Variants in AAK1 observed in about 807,000 individuals in gnomAD.
AAK1 encodes the protein AP2 associated kinase 1.
Under a neutral mutation model 116.0 loss-of-function variants are expected in AAK1, and 37 were observed. That is an observed-to-expected ratio of 0.32 (90% CI 0.25 to 0.42). The LOEUF is 0.42. AAK1 is among the 10% of genes least tolerant of loss of function. The pLI, the probability that AAK1 is intolerant of heterozygous loss-of-function variation, is 1.00. For missense variants in AAK1, 919 were observed against 1,170.6 expected (o/e 0.79, Z 3.14); for synonymous variants, 458 against 439.9 (o/e 1.04, Z -0.51).
chr2:69,610,511 C>T (rs1391533271), intron 2 of AAK1, among the ~76,000 whole-genome samples: 1 of 152,064 alleles, frequency 6.6e-6, no homozygotes, highest in African/African-American at 2.4e-5. Context: ...GGAACCATAG[C>T]AAAAATTAAA....
At position 69,534,628 on chromosome 2, in the gene AAK1, T is replaced by A. The variant is rs181830174; in HGVS notation, c.535-2466A>T. Among the ~76,000 whole-genome samples the A allele has an allele frequency of 6.2e-3, 937 of 152,316 alleles. 9 individuals carry two copies. The highest frequency in any genetic ancestry group is 0.021 in the African/African-American group (887 of 41,568). On this transcript the variant is annotated intron_variant, in intron 5 of 21. Transcript: ENST00000409085. ...AGTTGTAACTCCTCAGAAAAACCTTTCACAACCAGTTCACAAAATCTACAG... is the reference window on the plus strand; with the variant it reads ...AGTTGTAACTCCTCAGAAAAACCTTACACAACCAGTTCACAAAATCTACAG...
chr2:69,557,000 G>A, intron 2 of AAK1, 22 bp from the exon 3 acceptor site: 2 of 1,569,460 alleles, frequency 1.3e-6, no homozygotes, highest in Non-Finnish European at 1.8e-6. Context: ...ACACACACAA[G>A]CTCTTTTGAG....
At position 69,469,657 on chromosome 2, in the gene AAK1, G is replaced by A; in HGVS notation, c.*6212C>T. 1.0e-6 allele frequency: 1 copy of A among 985,460 alleles called. No individual in the cohort carries two copies. Among genetic ancestry groups the A allele is most frequent in the South Asian group, 4.7e-5 (1 of 21,286 alleles). 61.0% of individuals were successfully genotyped at this position (985,460 alleles called of 1,614,324 possible). The stretch of plus-strand genomic sequence containing the variant: ...CTCAGGGGCTAAAGCCCAGGGCCTG[G>A]CTTCATAGTCTGCACAGGGTCTTAC... On this transcript the variant is annotated 3_prime_UTR_variant, in exon 22 of 22. Transcript: ENST00000409085.
chr2:69,485,347 C>T (rs1675252185), intron 17 of AAK1, among the ~76,000 whole-genome samples: 1 of 152,206 alleles, frequency 6.6e-6, no homozygotes, highest in Admixed American at 6.5e-5. Flanking sequence ...CATGTTGTGA[C>T]TCTGGCACAG....
intron 2 of AAK1, among the ~76,000 whole-genome samples, chr2:69,638,477 T>C (rs765859869): frequency 6.6e-6 from 1 of 152,144 alleles, no homozygotes; most frequent in African/African-American, 2.4e-5. Context: ...TTGGTACCTA[T>C]TCATCAGTCT....
intron 6 of AAK1, among the ~76,000 whole-genome samples, chr2:69,531,090 T>A (rs1378403822): frequency 1.3e-5 from 2 of 152,202 alleles, no homozygotes; most frequent in African/African-American, 4.8e-5. Context: ...AGAGATGTAA[T>A]ACTGACTGTG....
At chr2:69,632,947 G>A (rs1015310377) in intron 2 of AAK1, among the ~76,000 whole-genome samples, 3 of 151,796 alleles carry the variant, frequency 2.0e-5, no homozygotes, top group Admixed American at 2.0e-4. Context: ...GCAGGAGAAT[G>A]GTGTGAACCC....
At chr2:69,523,365 G>C (rs955556577) in intron 10 of AAK1, among the ~76,000 whole-genome samples, 1 of 152,186 alleles carries the variant, frequency 6.6e-6, no homozygotes, top group Non-Finnish European at 1.5e-5. Context: ...TGTTAAGCAA[G>C]TTTGCTACGT....
chr2:69,500,881 G>C (rs1193115138), intron 16 of AAK1, among the ~76,000 whole-genome samples: 1 of 151,788 alleles, frequency 6.6e-6, no homozygotes, highest in Non-Finnish European at 1.5e-5. Context: ...GGGGTTGGTA[G>C]GGTGAGTAGA....
At chr2:69,591,215 G>T (rs908124002) in intron 2 of AAK1, among the ~76,000 whole-genome samples, 5 of 152,150 alleles carry the variant, frequency 3.3e-5, no homozygotes, top group African/African-American at 1.2e-4. Flanking sequence ...CAACTCAAAA[G>T]GTCACAACAG....
At chr2:69,560,288 C>T (rs752646706) in intron 2 of AAK1, among the ~76,000 whole-genome samples, 3 of 152,168 alleles carry the variant, frequency 2.0e-5, no homozygotes, top group Non-Finnish European at 2.9e-5. Flanking sequence ...GTCTGTCACA[C>T]GGATCAGGGT....
At chr2:69,497,695 A>G (rs76483473) in intron 16 of AAK1, among the ~76,000 whole-genome samples, 1 of 152,002 alleles carries the variant, frequency 6.6e-6, no homozygotes, top group Non-Finnish European at 1.5e-5. Flanking sequence ...GAAAAAAAAA[A>G]GCCTCATTTT....
At chr2:69,599,875 G>A (rs1673483410) in intron 2 of AAK1, among the ~76,000 whole-genome samples, 1 of 151,964 alleles carries the variant, frequency 6.6e-6, no homozygotes, top group Non-Finnish European at 1.5e-5. Flanking sequence ...CCTCCCGGGT[G>A]CAATCAGTCC....
chr2:69,632,384 T>C (rs944941544), intron 2 of AAK1, among the ~76,000 whole-genome samples: 1 of 152,156 alleles, frequency 6.6e-6, no homozygotes, highest in Non-Finnish European at 1.5e-5. Context: ...TTCTGGCAAC[T>C]AGTGGGTAGA....
intron 14 of AAK1, 113 bp downstream of exon 14, chr2:69,509,118 C>T: frequency 1.2e-6 from 1 of 820,546 alleles, no homozygotes. Context: ...AAGTACACAC[C>T]ACTGTATTTG....
chr2:69,482,690 A>G, intron 18 of AAK1, 21 bp downstream of exon 18: 2 of 1,562,914 alleles, frequency 1.3e-6, no homozygotes, highest in Non-Finnish European at 1.8e-6. Flanking sequence ...ATGACTGAAG[A>G]AACAGAGATG....
Position 69,461,151 on chromosome 2 carries a change from T to A in AAK1, c.*14718A>T, listed in dbSNP as rs1674331829. 6.6e-6 allele frequency: 1 copy of A among 152,246 alleles called. No individual in the cohort carries two copies. Among genetic ancestry groups the A allele is most frequent in the African/African-American group, 2.4e-5 (1 of 41,456 alleles). 9.4% of individuals were successfully genotyped at this position (152,246 alleles called of 1,614,324 possible). The stretch of plus-strand genomic sequence containing the variant: ...TGTACCTTTTCTATGTCTAAAATGT[T>A]TGGATACAGAAATACTTACCATTGT... On this transcript the variant is annotated 3_prime_UTR_variant, in exon 22 of 22. Transcript: ENST00000409085.
chr2:69,532,073 C>T lies in AAK1; in HGVS notation c.624G>A (p.Glu208=). 6.2e-7 allele frequency: 1 copy of T among 1,613,602 alleles called. No homozygotes were observed. The highest frequency in any genetic ancestry group is 8.5e-7 in the Non-Finnish European group (1 of 1,179,602). ...ATNKFQNPQT[E]GVNAVEDEIK... is the part of the protein sequence containing the mutation. ...TCTCATCTTCTACTGCATTGACTCC[C>T]TCAGTTTGTGGATTCTGGAATTTGT... The change falls in exon 6 of 22, where the codon GAG becomes GAA. Residue 208 remains glutamate (E), a synonymous_variant. Transcript: ENST00000409085.
chr2:69,587,473 A>ATTT (rs201115417), intron 2 of AAK1, among the ~76,000 whole-genome samples: 1 of 145,480 alleles, frequency 6.9e-6, no homozygotes, highest in African/African-American at 2.6e-5. Context: ...ATATATATAT[A>ATTT]TATATTTTTT....
Sources: gnomAD v4.1 joint callset for allele counts (sites outside exome capture counted in the v4.1 genomes callset) on GRCh38, gnomAD v4.1.1 for gene constraint, MANE v1.5 for transcripts, NCBI Gene and HGNC (gene_info 2026-07-23, HGNC 2026-07-21) for gene names.